The following NBAS variants were observed in gnomAD, a reference collection of about 807,000 sequenced individuals.
NBAS encodes the protein NAG/BC035112 fusion.
A neutral mutation model predicts 302.5 loss-of-function variants in NBAS; 219 were observed. The observed-to-expected ratio is 0.72, with a 90% CI of 0.65 to 0.81. The LOEUF (loss-of-function observed/expected upper bound fraction) is 0.81, where lower values mean the gene tolerates loss of function less well. Among genes scored for constraint, NBAS ranks in the 30% least tolerant of loss-of-function variants. The pLI, the probability that NBAS is intolerant of heterozygous loss-of-function variation, is 0.00. For synonymous variants in NBAS, 1,118 were observed against 1,021.6 expected, an observed-to-expected ratio of 1.09 and a Z score of -1.80; for missense variants, 2,932 against 2,841.6, an observed-to-expected ratio of 1.03 and a Z score of -0.72.
intron 32 of NBAS, among the ~76,000 whole-genome samples, chr2:15,364,948 A>C (rs1276600374): frequency 6.6e-6 from 1 of 152,130 alleles, no homozygotes; most frequent in African/African-American, 2.4e-5. Flanking sequence ...GATAACCAAA[A>C]CACTCTATAA....
At chr2:14,805,861 T>G in the NBAS span, among the ~76,000 whole-genome samples, 5 of 152,086 alleles carry the variant, frequency 3.3e-5, no homozygotes, top group African/African-American at 4.8e-5. Flanking sequence ...GCCTTCATAT[T>G]TGCAGAGTCT....
At chr2:14,834,876 C>T in the NBAS span, among the ~76,000 whole-genome samples, 2 of 151,952 alleles carry the variant, frequency 1.3e-5, no homozygotes, top group South Asian at 2.1e-4. Context: ...TGAGAACTCT[C>T]TGGTGACAGT....
chr2:15,356,147 A>G, intron 33 of NBAS, among the ~76,000 whole-genome samples, 156 bp downstream of exon 33: 1 of 152,246 alleles, frequency 6.6e-6, no homozygotes, highest in Non-Finnish European at 1.5e-5. Context: ...ACATATAAGT[A>G]CACAGCCTAT....
intron 25 of NBAS, among the ~76,000 whole-genome samples, chr2:15,408,312 G>A (rs886722814): frequency 3.3e-5 from 5 of 152,022 alleles, no homozygotes; most frequent in Admixed American, 2.6e-4. Flanking sequence ...CAGATCCTCT[G>A]GTCATTTTAA....
chr2:15,432,011 C>T (rs1015136386), intron 21 of NBAS, among the ~76,000 whole-genome samples: 4 of 151,654 alleles, frequency 2.6e-5, no homozygotes, highest in Non-Finnish European at 4.4e-5. Context: ...AGAGAAAACC[C>T]TTTTCATGGA....
intron 21 of NBAS, among the ~76,000 whole-genome samples, chr2:15,449,208 C>T (rs1216758187): frequency 1.3e-5 from 2 of 152,126 alleles, no homozygotes; most frequent in Admixed American, 6.6e-5. Flanking sequence ...TAGTTACATT[C>T]ACACTAAAAC....
At chr2:15,316,725 C>A (rs571566447) in intron 38 of NBAS, among the ~76,000 whole-genome samples, 2 of 152,248 alleles carry the variant, frequency 1.3e-5, no homozygotes, top group South Asian at 2.1e-4. Flanking sequence ...GGCCAGGAAG[C>A]GCGAAGTGGG....
intron 16 of NBAS, 102 bp from the exon 17 acceptor site, chr2:15,468,635 G>C (rs1206311126): frequency 7.3e-7 from 1 of 1,365,092 alleles, no homozygotes; most frequent in Non-Finnish European, 1.0e-6. Flanking sequence ...ATGTATTACA[G>C]CTATTTAGGA....
intron 44 of NBAS, among the ~76,000 whole-genome samples, chr2:15,250,151 T>C (rs1347311883): frequency 6.6e-6 from 1 of 152,056 alleles, no homozygotes. Flanking sequence ...GCCTCAGAAA[T>C]AACGCCACAC....
the NBAS span, among the ~76,000 whole-genome samples, chr2:15,062,401 A>T: frequency 8.5e-5 from 13 of 152,332 alleles, no homozygotes; most frequent in Admixed American, 3.9e-4. Flanking sequence ...ATACTAGAGG[A>T]AGGATATTTT....
intron 21 of NBAS, among the ~76,000 whole-genome samples, chr2:15,433,554 C>A (rs1572842723): frequency 6.6e-6 from 1 of 152,260 alleles, no homozygotes; most frequent in Admixed American, 6.5e-5. Context: ...ACTGCGATAA[C>A]CTCCACTTAT....
the NBAS span, among the ~76,000 whole-genome samples, chr2:14,990,397 C>T: frequency 0.087 from 13,247 of 151,736 alleles, 1,512 homozygotes; most frequent in African/African-American, 0.26. Flanking sequence ...GCACTCCAGC[C>T]TGGGCAACAG....
At chr2:15,515,408 T>C (rs887305403) in intron 9 of NBAS, among the ~76,000 whole-genome samples, 2 of 152,102 alleles carry the variant, frequency 1.3e-5, no homozygotes, top group African/African-American at 2.4e-5. Flanking sequence ...CAAAAATTAC[T>C]TGGGCGTGGT....
chr2:15,427,380 C>G (rs188546994), intron 22 of NBAS, among the ~76,000 whole-genome samples: 238 of 151,994 alleles, frequency 1.6e-3, no homozygotes, highest in Non-Finnish European at 2.6e-3. Context: ...AAAATTAAAA[C>G]TGATCAAGAA....
At chr2:15,280,823 A>G (rs539834318) in intron 42 of NBAS, among the ~76,000 whole-genome samples, 36 of 152,212 alleles carry the variant, frequency 2.4e-4, no homozygotes, top group Middle Eastern at 3.4e-3. Flanking sequence ...AAGACAATCT[A>G]CCCTCCAAAT....
intron 45 of NBAS, among the ~76,000 whole-genome samples, chr2:15,238,247 A>G (rs1667694861): frequency 1.3e-5 from 2 of 152,006 alleles, no homozygotes; most frequent in African/African-American, 4.8e-5. Context: ...CTATTTCCCC[A>G]TATCAACGGT....
the NBAS span, among the ~76,000 whole-genome samples, chr2:15,124,026 A>T: frequency 6.6e-6 from 1 of 152,200 alleles, no homozygotes. Flanking sequence ...AGTGATTGTG[A>T]GCAAAATTCT....
the NBAS span, among the ~76,000 whole-genome samples, chr2:14,990,125 A>G: frequency 6.6e-6 from 1 of 151,852 alleles, no homozygotes; most frequent in Non-Finnish European, 1.5e-5. Context: ...TTAAATTGTT[A>G]AAACAGGCCA....
intron 51 of NBAS, among the ~76,000 whole-genome samples, chr2:15,174,913 A>C (rs1664460666): frequency 6.6e-6 from 1 of 152,240 alleles, no homozygotes; most frequent in African/African-American, 2.4e-5. Flanking sequence ...CAAGATGGTA[A>C]TTATTGTCAT....
Sources: allele counts gnomAD v4.1 joint callset (sites outside exome capture counted in the v4.1 genomes callset), GRCh38; gene constraint gnomAD v4.1.1; transcripts MANE v1.5; gene names NCBI Gene and HGNC (gene_info 2026-07-23, HGNC 2026-07-21).